CNTN5: variants seen among roughly 807,000 people sequenced by gnomAD.
CNTN5 encodes the protein contactin 5.
A neutral mutation model predicts 129.1 loss-of-function variants in CNTN5; 77 were observed. The ratio of observed to expected loss-of-function variants is 0.60; its 90% CI spans 0.50 to 0.72. The LOEUF is 0.72. Ranked by LOEUF, CNTN5 falls within the 30% of genes least tolerant of loss-of-function variation. The pLI, the probability that CNTN5 is intolerant of heterozygous loss-of-function variation, is 0.00. For missense variants in CNTN5, 1,478 were observed against 1,328.8 expected (o/e 1.11, Z -1.75); for synonymous variants, 509 against 465.6 (o/e 1.09, Z -1.20).
intron 2 of CNTN5, among the ~76,000 whole-genome samples, chr11:99,407,261 T>G (rs774992941): frequency 6.6e-6 from 1 of 152,146 alleles, no homozygotes; most frequent in Non-Finnish European, 1.5e-5. Flanking sequence ...GGCTCTTCAG[T>G]TAGAAACTGA....
At chr11:100,064,320 T>C (rs759569125) in intron 10 of CNTN5, among the ~76,000 whole-genome samples, 14 of 152,148 alleles carry the variant, frequency 9.2e-5, no homozygotes, top group Non-Finnish European at 2.1e-4. Flanking sequence ...CTTTTCTTGG[T>C]CAAAGCATTA....
At chr11:99,606,419 T>G (rs1311300045) in intron 3 of CNTN5, among the ~76,000 whole-genome samples, 1 of 142,038 alleles carries the variant, frequency 7.0e-6, no homozygotes, top group East Asian at 2.1e-4. Context: ...CAAGGAGAAC[T>G]ACAAACCACT....
chr11:99,327,898 C>A (rs1179642061), intron 2 of CNTN5, among the ~76,000 whole-genome samples: 1 of 152,168 alleles, frequency 6.6e-6, no homozygotes, highest in East Asian at 1.9e-4. Context: ...CCAGGAGACA[C>A]TGGCTCAGCT....
chr11:99,855,126 T>C (rs1257613661), intron 6 of CNTN5, among the ~76,000 whole-genome samples: 1 of 151,986 alleles, frequency 6.6e-6, no homozygotes, highest in African/African-American at 2.4e-5. Flanking sequence ...CTGGGCAATA[T>C]GGCAAGCCCT....
chr11:100,116,551 A>G (rs1271357677), intron 13 of CNTN5, among the ~76,000 whole-genome samples: 1 of 151,976 alleles, frequency 6.6e-6, no homozygotes, highest in African/African-American at 2.4e-5. Flanking sequence ...ACCTAAAAAG[A>G]GAAAAAAGAG....
chr11:99,523,661 G>GAATAGA (rs1565258686), intron 2 of CNTN5, among the ~76,000 whole-genome samples: 104 of 64,852 alleles, frequency 1.6e-3, no homozygotes, highest in South Asian at 2.9e-3. Context: ...GAACAGAACA[G>GAATAGA]ATCAGAACAG....
At chr11:100,329,492 G>T (rs1032080726) in intron 21 of CNTN5, among the ~76,000 whole-genome samples, 3 of 152,222 alleles carry the variant, frequency 2.0e-5, no homozygotes, top group Admixed American at 1.3e-4. Context: ...TCTTGAAAGT[G>T]CCACCACTTG....
chr11:99,952,536 T>A (rs542944649), intron 7 of CNTN5, among the ~76,000 whole-genome samples: 47 of 152,200 alleles, frequency 3.1e-4, no homozygotes, highest in African/African-American at 1.1e-3. Context: ...AAGTTATTTA[T>A]TTTTTATTTT....
At chr11:99,893,766 A>C (rs754172463) in intron 6 of CNTN5, among the ~76,000 whole-genome samples, 3 of 152,226 alleles carry the variant, frequency 2.0e-5, no homozygotes, top group Non-Finnish European at 4.4e-5. Flanking sequence ...ACATTAAGCT[A>C]ACCAACATCA....
chr11:99,342,733 A>AAAAG lies in CNTN5; in HGVS notation c.-71+17270_-71+17273dup, dbSNP rs370813586. Among the ~76,000 whole-genome samples the AAAAG allele has an allele frequency of 6.8e-3, 1,039 of 151,830 alleles. 11 individuals carry two copies. Among genetic ancestry groups the AAAAG allele is most frequent in the African/African-American group, 0.022 (896 of 41,398 alleles). On this transcript the variant is annotated intron_variant, in intron 2 of 24. Transcript: ENST00000524871. ...GCAACAGAGGGAAAGCTTATCTGAA[A>AAAAG]AAAGAAAGAAAGAAAGAAAGAAAGC...
At chr11:99,526,130 A>G (rs991745882) in intron 2 of CNTN5, among the ~76,000 whole-genome samples, 2 of 152,232 alleles carry the variant, frequency 1.3e-5, no homozygotes, top group Admixed American at 6.5e-5. Flanking sequence ...AAAACTTGTC[A>G]GTCTATTGAT....
Position 99,383,311 on chromosome 11 carries a change from A to G in CNTN5, c.-71+57827A>G, listed in dbSNP as rs1188311206. On this transcript the variant is annotated intron_variant, in intron 2 of 24. Coordinates refer to ENST00000524871, the MANE Select transcript of CNTN5 (RefSeq NM_014361.4). Reference sequence around the variant, plus strand: ...ATGAGTTACTAGCTTTGTTTCTCTGACAGACTGGTCCCATATGTCTATGGT... The same window carrying G: ...ATGAGTTACTAGCTTTGTTTCTCTGGCAGACTGGTCCCATATGTCTATGGT... Among the ~76,000 whole-genome samples the G allele has an allele frequency of 3.9e-5, 6 of 152,232 alleles. No individual in the cohort carries two copies. In the East Asian group the frequency reaches 9.6e-4, roughly 24 times the overall value.
At chr11:99,869,724 G>C in intron 6 of CNTN5, among the ~76,000 whole-genome samples, 1 of 152,170 alleles carries the variant, frequency 6.6e-6, no homozygotes, top group East Asian at 1.9e-4. Flanking sequence ...TCTGGATCGA[G>C]CAGAGTGCAG....
At chr11:99,751,575 G>A (rs189466684) in intron 3 of CNTN5, among the ~76,000 whole-genome samples, 285 of 152,086 alleles carry the variant, frequency 1.9e-3, no homozygotes, top group Non-Finnish European at 2.8e-3. Context: ...AAAACATTCC[G>A]TGCATAGTAC....
At chr11:100,257,381 C>T (rs541864350) in intron 17 of CNTN5, among the ~76,000 whole-genome samples, 7 of 152,270 alleles carry the variant, frequency 4.6e-5, no homozygotes, top group South Asian at 4.1e-4. Context: ...TAAACGTTCC[C>T]GCCTGCCAGC....
At chr11:100,204,058 G>A (rs1273809988) in intron 15 of CNTN5, among the ~76,000 whole-genome samples, 1 of 151,228 alleles carries the variant, frequency 6.6e-6, no homozygotes, top group African/African-American at 2.4e-5. Context: ...ATACCTTACA[G>A]ATCCCGCCAC....
intron 1 of CNTN5, among the ~76,000 whole-genome samples, chr11:99,151,378 T>G (rs1216660469): frequency 6.6e-6 from 1 of 152,208 alleles, no homozygotes; most frequent in Non-Finnish European, 1.5e-5. Context: ...CTCAGACAGC[T>G]GTCTTCATAG....
chr11:99,702,604 G>T (rs1289196272), intron 3 of CNTN5, among the ~76,000 whole-genome samples: 1 of 150,774 alleles, frequency 6.6e-6, no homozygotes, highest in Non-Finnish European at 1.5e-5. Flanking sequence ...ACATTTTGCT[G>T]TCTTCAACAA....
intron 13 of CNTN5, among the ~76,000 whole-genome samples, chr11:100,159,726 A>T (rs1947377132): frequency 2.0e-5 from 3 of 151,958 alleles, no homozygotes; most frequent in Non-Finnish European, 4.4e-5. Context: ...TAAAGATAAC[A>T]AGGTGACAAT....
Sources: gnomAD v4.1 joint callset for allele counts (sites outside exome capture counted in the v4.1 genomes callset) on GRCh38, gnomAD v4.1.1 for gene constraint, MANE v1.5 for transcripts, NCBI Gene and HGNC (gene_info 2026-07-23, HGNC 2026-07-21) for gene names.